The following GRIP1 variants were observed in gnomAD, a reference collection of about 807,000 sequenced individuals.
GRIP1 encodes glutamate receptor-interacting protein 1.
A neutral mutation model predicts 129.9 loss-of-function variants in GRIP1; 45 were observed. That is an observed-to-expected ratio of 0.35 (90% CI 0.27 to 0.44). GRIP1 has a LOEUF of 0.44. Among genes scored for constraint, GRIP1 ranks in the 20% least tolerant of loss-of-function variants. The pLI is 1.00. For synonymous variants in GRIP1, 530 were observed against 520.8 expected (o/e 1.02, Z -0.24); for missense variants, 1,196 against 1,396.8 (o/e 0.86, Z 2.29).
At chr12:66,915,477 G>A (rs1409539760) in intron 1 of GRIP1, among the ~76,000 whole-genome samples, 3 of 152,156 alleles carry the variant, frequency 2.0e-5, no homozygotes, top group South Asian at 2.1e-4. Context: ...TGGTGACAAA[G>A]GCGAGTGAGA....
chr12:66,729,609 T>C (rs1037937224), intron 1 of GRIP1, among the ~76,000 whole-genome samples: 5 of 152,198 alleles, frequency 3.3e-5, no homozygotes, highest in Non-Finnish European at 5.9e-5. Context: ...AGTCTTGCTC[T>C]GTTGCCCAGG....
At chr12:66,938,012 C>T (rs545245429) in intron 1 of GRIP1, among the ~76,000 whole-genome samples, 2 of 152,202 alleles carry the variant, frequency 1.3e-5, no homozygotes, top group East Asian at 3.9e-4. Context: ...AAAATAAATA[C>T]CAGATTTCAA....
At chr12:66,385,489 T>G (rs920798028) in intron 19 of GRIP1, among the ~76,000 whole-genome samples, 1 of 152,004 alleles carries the variant, frequency 6.6e-6, no homozygotes, top group African/African-American at 2.4e-5. Context: ...TGAGCCAAGA[T>G]CGCAACATTG....
At chr12:66,780,803 C>CT (rs1461768728) in intron 1 of GRIP1, among the ~76,000 whole-genome samples, 1 of 152,178 alleles carries the variant, frequency 6.6e-6, no homozygotes, top group Non-Finnish European at 1.5e-5. Flanking sequence ...TTGGAATACT[C>CT]TATCTTGGAA....
chr12:66,732,391 A>C, intron 1 of GRIP1, among the ~76,000 whole-genome samples: 1 of 152,098 alleles, frequency 6.6e-6, no homozygotes, highest in Non-Finnish European at 1.5e-5. Context: ...GTTTCTAAAA[A>C]ACAGTTACAA....
intron 1 of GRIP1, among the ~76,000 whole-genome samples, chr12:66,715,906 G>A (rs533753407): frequency 3.9e-4 from 60 of 152,048 alleles, no homozygotes; most frequent in Non-Finnish European, 5.9e-4. Context: ...CCCTTTGACC[G>A]AAAGAAGCAT....
rs534273062 is a variant in GRIP1 at position 66,526,365 on chromosome 12, A to T, written c.502+3466T>A. 4.1e-3 allele frequency among the ~76,000 whole-genome samples: 623 copies of T among 152,354 alleles called. 2 individuals carry two copies. Among genetic ancestry groups the T allele is most frequent in the Non-Finnish European group, 4.5e-3 (309 of 68,032 alleles). On this transcript the variant is annotated intron_variant, in intron 5 of 24. Coordinates refer to ENST00000359742, the MANE Select transcript of GRIP1 (RefSeq NM_001366722.1). ...AATGGAACAGAACAGAGCCCTCAGA[A>T]ATAATGCTGCATGTCTACAACCATC...
chr12:66,745,992 T>G (rs1277415562), intron 1 of GRIP1, among the ~76,000 whole-genome samples: 1 of 152,144 alleles, frequency 6.6e-6, no homozygotes, highest in Non-Finnish European at 1.5e-5. Flanking sequence ...TAAGTTGGTG[T>G]GCTTAAAGTT....
intron 1 of GRIP1, among the ~76,000 whole-genome samples, chr12:66,913,858 T>C (rs192701290): frequency 1.3e-5 from 2 of 152,300 alleles, no homozygotes; most frequent in East Asian, 3.9e-4. Context: ...ATGTTAAAAA[T>C]AGTCTGTTAG....
At chr12:66,701,738 T>C (rs578113573) in intron 1 of GRIP1, among the ~76,000 whole-genome samples, 1 of 152,330 alleles carries the variant, frequency 6.6e-6, no homozygotes, top group East Asian at 1.9e-4. Flanking sequence ...ATCTGAGCAT[T>C]AGACACACAG....
chr12:66,522,813 C>T (rs1425072174), intron 5 of GRIP1, among the ~76,000 whole-genome samples: 1 of 151,788 alleles, frequency 6.6e-6, no homozygotes, highest in Non-Finnish European at 1.5e-5. Context: ...CCTAGAATAA[C>T]CAATGCAGAG....
chr12:66,730,701 C>CAAAAAAAAAAAAAAAAAAA (rs3051132), intron 1 of GRIP1, among the ~76,000 whole-genome samples: 1 of 71,188 alleles, frequency 1.4e-5, no homozygotes, highest in Non-Finnish European at 2.7e-5. Flanking sequence ...GGGTCATCTA[C>CAAAAAAAAAAAAAAAAAAA]AAAAAAAAAA....
chr12:66,725,262 C>T (rs995802169), intron 1 of GRIP1, among the ~76,000 whole-genome samples: 17 of 152,120 alleles, frequency 1.1e-4, no homozygotes, highest in African/African-American at 3.9e-4. Context: ...ATGATCACGC[C>T]ACTGCACTCC....
chr12:66,656,405 C>T (rs2033160355), intron 1 of GRIP1, among the ~76,000 whole-genome samples: 1 of 152,116 alleles, frequency 6.6e-6, no homozygotes, highest in Non-Finnish European at 1.5e-5. Flanking sequence ...CAACACCTGG[C>T]TTGTACTTCA....
chr12:66,537,278 C>T (rs998596149), intron 4 of GRIP1, among the ~76,000 whole-genome samples: 1 of 152,094 alleles, frequency 6.6e-6, no homozygotes, highest in Non-Finnish European at 1.5e-5. Flanking sequence ...TTCTCAAAGG[C>T]ATGTAGCTAG....
chr12:66,392,655 T>C (rs2137520855), intron 18 of GRIP1, 22 bp downstream of exon 18: 1 of 1,613,068 alleles, frequency 6.2e-7, no homozygotes, highest in East Asian at 2.2e-5. Flanking sequence ...TCCTTAATTG[T>C]GGCTTTCAAT....
At chr12:66,714,126 C>G (rs1049924655) in intron 1 of GRIP1, among the ~76,000 whole-genome samples, 1 of 151,972 alleles carries the variant, frequency 6.6e-6, no homozygotes, top group Non-Finnish European at 1.5e-5. Context: ...ACTTGGTATT[C>G]TAAACCGATG....
At chr12:66,932,022 C>T (rs562639466) in intron 1 of GRIP1, among the ~76,000 whole-genome samples, 4 of 151,974 alleles carry the variant, frequency 2.6e-5, no homozygotes, top group African/African-American at 4.8e-5. Context: ...TTTGAATAGT[C>T]GTAAAAATAT....
chr12:66,561,575 G>T (rs902034457), intron 2 of GRIP1, among the ~76,000 whole-genome samples: 3 of 151,992 alleles, frequency 2.0e-5, no homozygotes, highest in Non-Finnish European at 2.9e-5. Flanking sequence ...GTTAATCTGG[G>T]GCTAAGTTGG....
Sources: allele counts gnomAD v4.1 joint callset (sites outside exome capture counted in the v4.1 genomes callset), GRCh38; gene constraint gnomAD v4.1.1; transcripts MANE v1.5; gene names NCBI Gene and HGNC (gene_info 2026-07-23, HGNC 2026-07-21).